Variants in MAD1L1 observed in about 807,000 individuals in gnomAD.
MAD1L1 encodes the protein mitotic spindle assembly checkpoint protein MAD1.
Under a neutral mutation model 96.9 loss-of-function variants are expected in MAD1L1, and 95 were observed. That is an observed-to-expected ratio of 0.98 (90% CI 0.83 to 1.16). MAD1L1 has a LOEUF of 1.16. Ranked by LOEUF, MAD1L1 falls within the 50% of genes most tolerant of loss-of-function variation. The pLI is 0.00. For synonymous variants in MAD1L1, 473 were observed against 396.6 expected (o/e 1.19, Z -2.29); for missense variants, 1,007 against 954.4 (o/e 1.06, Z -0.73).
chr7:1,911,192 A>G (rs1214766232), intron 17 of MAD1L1, among the ~76,000 whole-genome samples: 1 of 151,956 alleles, frequency 6.6e-6, no homozygotes, highest in Non-Finnish European at 1.5e-5. Context: ...TGGATTCAGC[A>G]CTCAACACCC....
chr7:1,886,395 C>T (rs1786030760), intron 18 of MAD1L1, among the ~76,000 whole-genome samples: 1 of 152,256 alleles, frequency 6.6e-6, no homozygotes, highest in Non-Finnish European at 1.5e-5. Flanking sequence ...AAAGCGGATG[C>T]TTCATCTGAG....
rs1258850381 is a variant in MAD1L1 at position 1,995,158 on chromosome 7, G to C, written c.1416+6907C>G. 1.3e-5 allele frequency among the ~76,000 whole-genome samples: 2 copies of C among 152,214 alleles called. 1 individual carries two copies. Among genetic ancestry groups the C allele is most frequent in the Non-Finnish European group, 2.9e-5 (2 of 68,036 alleles). On this transcript the variant is annotated intron_variant, in intron 14 of 18. Transcript: ENST00000265854. ...GCAAGAGGCATTTAAAGCAAAGGTT[G>C]CTCCATGTGACACCTGCTGTGGCCA...
chr7:2,065,332 G>A (rs1002383336), intron 12 of MAD1L1, among the ~76,000 whole-genome samples: 3 of 152,190 alleles, frequency 2.0e-5, no homozygotes, highest in Admixed American at 6.5e-5. Context: ...GGTGGCAGCC[G>A]TGTCCAGGGT....
At chr7:1,967,455 C>T (rs1162416441) in intron 15 of MAD1L1, among the ~76,000 whole-genome samples, 3 of 152,174 alleles carry the variant, frequency 2.0e-5, no homozygotes, top group Non-Finnish European at 4.4e-5. Context: ...TACAGAAACT[C>T]AAAGAACGGG....
chr7:2,143,887 C>T (rs576874025), intron 11 of MAD1L1, among the ~76,000 whole-genome samples: 23 of 152,344 alleles, frequency 1.5e-4, no homozygotes, highest in African/African-American at 5.3e-4. Context: ...TCTGCATCCA[C>T]GGCCCTCAGG....
At chr7:2,073,672 G>A (rs1785240416) in intron 11 of MAD1L1, among the ~76,000 whole-genome samples, 1 of 152,254 alleles carries the variant, frequency 6.6e-6, no homozygotes, top group Admixed American at 6.5e-5. Context: ...GCTGCAGGAT[G>A]TAGCGTGAAG....
At chr7:1,875,029 G>T (rs1246758860) in intron 18 of MAD1L1, among the ~76,000 whole-genome samples, 1 of 152,174 alleles carries the variant, frequency 6.6e-6, no homozygotes, top group African/African-American at 2.4e-5. Context: ...AGGGCAGGCT[G>T]GGCAGGTACA....
chr7:1,887,159 T>C (rs889856156), intron 18 of MAD1L1, among the ~76,000 whole-genome samples: 2 of 152,224 alleles, frequency 1.3e-5, no homozygotes, highest in African/African-American at 4.8e-5. Context: ...TGGATCCAGA[T>C]CACAGAAGCA....
chr7:1,898,606 G>T (rs1320530193), intron 17 of MAD1L1, among the ~76,000 whole-genome samples: 1 of 152,190 alleles, frequency 6.6e-6, no homozygotes, highest in Non-Finnish European at 1.5e-5. Flanking sequence ...CTCTGGTGGT[G>T]GCAATAATAA....
Position 2,012,736 on chromosome 7 carries a change from G to A in MAD1L1, c.1359+1766C>T, listed in dbSNP as rs568344556. On this transcript the variant is annotated intron_variant, in intron 13 of 18. Transcript: ENST00000265854. ...GGGCTCACCCATAGGTGGGGACACG[G>A]CATAGTTCCAGGGCCCTTCGGCGTG... Among the ~76,000 whole-genome samples, 65 of 152,340 alleles carry A rather than the reference G, an allele frequency of 4.3e-4. 1 individual carries two copies. Among genetic ancestry groups the A allele is most frequent in the African/African-American group, 1.5e-3 (64 of 41,574 alleles).
intron 18 of MAD1L1, among the ~76,000 whole-genome samples, chr7:1,868,587 TG>T (rs1406666275): frequency 1.3e-5 from 2 of 151,388 alleles, no homozygotes; most frequent in Non-Finnish European, 2.9e-5. Context: ...CCTGGGGTCC[TG>T]GGATTAGGCT....
chr7:1,838,044 C>T (rs1400689311), intron 18 of MAD1L1, among the ~76,000 whole-genome samples: 6 of 152,230 alleles, frequency 3.9e-5, no homozygotes, highest in Non-Finnish European at 5.9e-5. Flanking sequence ...GTGATTCCCG[C>T]GTAGCTCTGC....
intron 14 of MAD1L1, among the ~76,000 whole-genome samples, chr7:1,997,912 G>A (rs762186461): frequency 4.6e-5 from 7 of 152,316 alleles, no homozygotes; most frequent in East Asian, 3.9e-4. Context: ...AACAAAGGAC[G>A]GGGCCAGGAA....
At chr7:2,128,637 T>C (rs1432511608) in intron 11 of MAD1L1, among the ~76,000 whole-genome samples, 1 of 152,164 alleles carries the variant, frequency 6.6e-6, no homozygotes, top group Non-Finnish European at 1.5e-5. Flanking sequence ...GAAAACACGA[T>C]GTGTCTGCAA....
intron 12 of MAD1L1, among the ~76,000 whole-genome samples, chr7:2,061,630 C>T (rs1784664777): frequency 6.6e-6 from 1 of 152,208 alleles, no homozygotes; most frequent in Non-Finnish European, 1.5e-5. Flanking sequence ...GTGGCAGCCC[C>T]GGGAACTGAC....
At chr7:2,110,533 T>C (rs1230694350) in intron 11 of MAD1L1, among the ~76,000 whole-genome samples, 1 of 152,204 alleles carries the variant, frequency 6.6e-6, no homozygotes, top group Non-Finnish European at 1.5e-5. Flanking sequence ...TGATTCGCTC[T>C]GACTCACACT....
At chr7:2,188,590 T>G (rs369927172) in intron 10 of MAD1L1, among the ~76,000 whole-genome samples, 1 of 152,308 alleles carries the variant, frequency 6.6e-6, no homozygotes, top group East Asian at 1.9e-4. Context: ...CAATGAGGAA[T>G]GGACAAGCTT....
chr7:2,105,424 G>A (rs925030482), intron 11 of MAD1L1, among the ~76,000 whole-genome samples: 3 of 122,204 alleles, frequency 2.5e-5, no homozygotes, highest in African/African-American at 9.1e-5. Context: ...AGCAGGCAGA[G>A]CAAAGCGTGG....
At chr7:1,944,008 G>A (rs1181858371) in intron 16 of MAD1L1, among the ~76,000 whole-genome samples, 1 of 152,192 alleles carries the variant, frequency 6.6e-6, no homozygotes, top group South Asian at 2.1e-4. Context: ...ATGACCACAT[G>A]GGTGAACCTT....
Sources: allele counts gnomAD v4.1 joint callset (sites outside exome capture counted in the v4.1 genomes callset), GRCh38; gene constraint gnomAD v4.1.1; transcripts MANE v1.5; gene names NCBI Gene and HGNC (gene_info 2026-07-23, HGNC 2026-07-21).